Variants in C1orf94 observed in about 807,000 individuals in gnomAD.
C1orf94 encodes chromosome 1 open reading frame 94, also known as uncharacterized protein C1orf94.
C1orf94 carries 45 observed loss-of-function variants against 53.6 expected under a neutral mutation model. That is an observed-to-expected ratio of 0.84 (90% CI 0.66 to 1.08). The LOEUF (loss-of-function observed/expected upper bound fraction) is 1.08. Among genes scored for constraint, C1orf94 ranks in the 50% least tolerant of loss-of-function variants. The probability of loss-of-function intolerance (pLI) is 0.00; values close to 1 mark genes in which losing one functional copy is unlikely to be tolerated. For synonymous variants in C1orf94, 304 were observed against 296.1 expected, an observed-to-expected ratio of 1.03 and a Z score of -0.27; for missense variants, 762 against 738.9, an observed-to-expected ratio of 1.03 and a Z score of -0.36.
At chr1:34,204,139 C>A (rs970691612) in intron 4 of C1orf94, among the ~76,000 whole-genome samples, 4 of 152,188 alleles carry the variant, frequency 2.6e-5, no homozygotes, top group Non-Finnish European at 5.9e-5. Context: ...TATGTCCCTT[C>A]CCCGCTCTCC....
At chr1:34,187,182 G>A (rs147905750) in intron 1 of C1orf94, among the ~76,000 whole-genome samples, 82 of 152,164 alleles carry the variant, frequency 5.4e-4, no homozygotes, top group African/African-American at 1.9e-3. Flanking sequence ...CACTATCTTA[G>A]CAACCCTTCC....
In C1orf94 at chr1:34,177,956, A is replaced by T. The variant is rs1277369812; in HGVS notation, c.167A>T (p.Asp56Val). Residue 56 changes from aspartate (D) to valine (V), a missense_variant, in exon 1 of 7, where the codon GAC becomes GTC. By Grantham distance (152) the Asp-to-Val change is radical (BLOSUM62 -3). Transcript: ENST00000488417. ...CCCAGATACATCTGGATCCACCAGG[A>T]CACACCCCAAGACAGCCTAGACAAG... ...PFPRYIWIHQ[D>V]TPQDSLDKTC... The T allele has an allele frequency of 5.8e-6, 9 of 1,551,610 alleles. No individual in the cohort carries two copies. Among genetic ancestry groups the T allele is most frequent in the Non-Finnish European group, 7.8e-6 (9 of 1,147,006 alleles).
At position 34,191,169 on chromosome 1, in the gene C1orf94, C is replaced by A. The variant is rs147070828; in HGVS notation, c.321-6056C>A. Among the ~76,000 whole-genome samples, 1,013 of 152,252 alleles carry A rather than the reference C, an allele frequency of 6.7e-3. 9 individuals carry two copies. Among genetic ancestry groups the A allele is most frequent in the African/African-American group, 0.023 (975 of 41,548 alleles). On this transcript the variant is annotated intron_variant, in intron 1 of 6. Coordinates refer to ENST00000488417, the MANE Select transcript of C1orf94 (RefSeq NM_001134734.2). ...TACAAATTAGGATGAGAGGGAACTA[C>A]CAAAGAGTATGGATACAGGAGGTTG...
chr1:34,216,738 T>G (rs1642994663), intron 6 of C1orf94, among the ~76,000 whole-genome samples: 1 of 152,150 alleles, frequency 6.6e-6, no homozygotes, highest in Admixed American at 6.5e-5. Context: ...CCATACAATT[T>G]ATCTTCCAAG....
chr1:34,215,856 A>T (rs1251406558), intron 6 of C1orf94, among the ~76,000 whole-genome samples: 1 of 152,126 alleles, frequency 6.6e-6, no homozygotes, highest in Non-Finnish European at 1.5e-5. Flanking sequence ...AAATACACAA[A>T]TTAGCTGGGC....
intron 1 of C1orf94, among the ~76,000 whole-genome samples, chr1:34,196,325 G>A (rs1642579622): frequency 1.3e-5 from 2 of 152,162 alleles, no homozygotes; most frequent in African/African-American, 4.8e-5. Flanking sequence ...GAGGACCCAG[G>A]GTCCAAGGGG....
intron 1 of C1orf94, among the ~76,000 whole-genome samples, chr1:34,193,764 T>C (rs1642535413): frequency 6.6e-6 from 1 of 152,192 alleles, no homozygotes; most frequent in Non-Finnish European, 1.5e-5. Flanking sequence ...GTGTGGCCCA[T>C]AGTAGGCTCA....
At chr1:34,178,680 C>T (rs1005305125) in intron 1 of C1orf94, among the ~76,000 whole-genome samples, 19 of 152,184 alleles carry the variant, frequency 1.2e-4, no homozygotes, top group African/African-American at 1.9e-4. Flanking sequence ...AGCCCGTTTC[C>T]GGGATGGGAA....
intron 2 of C1orf94, among the ~76,000 whole-genome samples, chr1:34,199,581 G>C (rs1242091103): frequency 6.6e-6 from 1 of 152,198 alleles, no homozygotes; most frequent in African/African-American, 2.4e-5. Context: ...TAACACTGAG[G>C]CACAGGTCCT....
At chr1:34,195,621 T>C (rs1410846440) in intron 1 of C1orf94, among the ~76,000 whole-genome samples, 2 of 152,110 alleles carry the variant, frequency 1.3e-5, no homozygotes, top group African/African-American at 4.8e-5. Context: ...TCAGGACTCA[T>C]CAGGACCCAG....
intron 1 of C1orf94, among the ~76,000 whole-genome samples, chr1:34,193,594 G>A (rs1642533178): frequency 6.6e-6 from 1 of 152,208 alleles, no homozygotes; most frequent in Non-Finnish European, 1.5e-5. Context: ...GGAGGCAGCT[G>A]GACCCAGCCA....
chr1:34,187,783 G>T (rs951629387), intron 1 of C1orf94, among the ~76,000 whole-genome samples: 44 of 19,914 alleles, frequency 2.2e-3, no homozygotes, highest in African/African-American at 8.7e-3. Flanking sequence ...CCCCCCCCCC[G>T]CCGCCCCCCA....
chr1:34,208,152 C>T lies in C1orf94; in HGVS notation c.1447-5C>T, dbSNP rs372631054. 1.2e-6 allele frequency: 2 copies of T among 1,614,000 alleles called. No homozygotes were observed. Among genetic ancestry groups the T allele is most frequent in the Non-Finnish European group, 1.7e-6 (2 of 1,179,966 alleles). On this transcript the variant is annotated splice_region_variant and splice_polypyrimidine_tract_variant and intron_variant, in intron 4 of 6. Coordinates refer to ENST00000488417, the MANE Select transcript of C1orf94 (RefSeq NM_001134734.2). ...TGGCCATACTGAGCCTCTGTTTCTC[C>T]CCAGGGCCTGTACCCACAGCAGGCA...
chr1:34,178,762 TG>T (rs138084228), intron 1 of C1orf94, among the ~76,000 whole-genome samples: 7,611 of 152,184 alleles, frequency 0.05, 468 homozygotes, highest in African/African-American at 0.14. Flanking sequence ...TTGTTGAGGA[TG>T]GATATTCGAA....
rs1338752081 is a variant in C1orf94, at chr1:34,197,032, C to G, written c.321-193C>G. ...TTTCCCCATTTTTCAAAACCATGCTCTCAGTGCTGCATCCTACCGCTGTGG... is the reference window on the plus strand; with the variant it reads ...TTTCCCCATTTTTCAAAACCATGCTGTCAGTGCTGCATCCTACCGCTGTGG... On this transcript the variant is annotated intron_variant, in intron 1 of 6. Coordinates refer to ENST00000488417, the MANE Select transcript of C1orf94 (RefSeq NM_001134734.2). This position sits in a 1 kb window ranked among gnomAD's most constrained non-coding sequence, Gnocchi z 4.1. 6.6e-6 allele frequency among the ~76,000 whole-genome samples: 1 copy of G among 152,230 alleles called. No individual in the cohort carries two copies. The highest frequency in any genetic ancestry group is 1.5e-5 in the Non-Finnish European group (1 of 68,034).
At position 34,218,704 on chromosome 1, in the gene C1orf94, AG is replaced by A; in HGVS notation, c.1743del (p.Leu583Ter). On this transcript the variant is annotated frameshift_variant, in exon 7 of 7. Coordinates refer to ENST00000488417, the MANE Select transcript of C1orf94 (RefSeq NM_001134734.2). LOFTEE classifies it high-confidence loss of function. ...QGYGFGSTSG[G>X]PLMHSPYFSS... Reference sequence around the variant, plus strand: ...CTTCCAGGTTCGGCTCGACATCCGGAGGGCCCTTGATGCACAGCCCCTATTT... The same window carrying A: ...CTTCCAGGTTCGGCTCGACATCCGGAGGCCCTTGATGCACAGCCCCTATTT... 1 of 1,612,292 alleles carries A rather than the reference AG, an allele frequency of 6.2e-7. No homozygotes were observed. Among genetic ancestry groups the A allele is most frequent in the Non-Finnish European group, 8.5e-7 (1 of 1,178,820 alleles).
intron 5 of C1orf94, among the ~76,000 whole-genome samples, chr1:34,210,942 G>T (rs537149681): frequency 3.6e-4 from 54 of 152,064 alleles, no homozygotes; most frequent in Middle Eastern, 3.4e-3. Context: ...GTGAGCCAAC[G>T]CACCCAGCCC....
In C1orf94 at chr1:34,186,958, G is replaced by A. The variant is rs551797250; in HGVS notation, c.320+8849G>A. 3.3e-5 allele frequency among the ~76,000 whole-genome samples: 5 copies of A among 152,326 alleles called. No individual in the cohort carries two copies. In the East Asian group the frequency reaches 9.7e-4, roughly 29 times the overall value. Reference sequence around the variant, plus strand: ...GCAGTGGGTATGAATAAATAAGGAAGTGAATGGTGAATAAGCCATAAAACT... The same window carrying A: ...GCAGTGGGTATGAATAAATAAGGAAATGAATGGTGAATAAGCCATAAAACT... On this transcript the variant is annotated intron_variant, in intron 1 of 6. Coordinates refer to ENST00000488417, the MANE Select transcript of C1orf94 (RefSeq NM_001134734.2).
intron 6 of C1orf94, among the ~76,000 whole-genome samples, chr1:34,218,436 T>G (rs928152061): frequency 6.6e-6 from 1 of 151,924 alleles, no homozygotes; most frequent in Non-Finnish European, 1.5e-5. Flanking sequence ...TGAAACAATC[T>G]TTACAGGCTC....
Sources: gnomAD v4.1 joint callset for allele counts (sites outside exome capture counted in the v4.1 genomes callset) on GRCh38, gnomAD v4.1.1 for gene constraint, Gnocchi (gnomAD v3.1) non-coding constraint, MANE v1.5 for transcripts, NCBI Gene and HGNC (gene_info 2026-07-23, HGNC 2026-07-21) for gene names.